Variants in GRID2 observed in about 807,000 individuals in gnomAD.
The protein encoded by GRID2 is glutamate receptor ionotropic, delta-2.
Under a neutral mutation model 114.8 loss-of-function variants are expected in GRID2, and 33 were observed. That is an observed-to-expected ratio of 0.29 (90% CI 0.22 to 0.38). The LOEUF (loss-of-function observed/expected upper bound fraction) is 0.38, where lower values mean the gene tolerates loss of function less well. Among genes scored for constraint, GRID2 ranks in the 10% least tolerant of loss-of-function variants. The pLI is 1.00. For missense variants in GRID2, 1,184 were observed against 1,257.7 expected, an observed-to-expected ratio of 0.94 and a Z score of 0.89; for synonymous variants, 505 against 449.9, an observed-to-expected ratio of 1.12 and a Z score of -1.55.
chr4:93,286,457 A>C (rs1459886503), intron 8 of GRID2, among the ~76,000 whole-genome samples: 1 of 152,136 alleles, frequency 6.6e-6, no homozygotes, highest in African/African-American at 2.4e-5. Flanking sequence ...TAAGAACTGC[A>C]TACTCCTTCC....
intron 4 of GRID2, among the ~76,000 whole-genome samples, chr4:93,129,941 T>C (rs1734639981): frequency 6.6e-6 from 1 of 152,194 alleles, no homozygotes; most frequent in African/African-American, 2.4e-5. Context: ...AGGCCCCAAA[T>C]GTCCAGGTAT....
rs959568079 is a variant in GRID2, at chr4:93,008,114, A to G, written c.245-76881A>G. ...ATTTAAAGCTCAATTAGTAGCCTAAATAACGGAAACAATGGACTAAATGGA... is the reference window on the plus strand; with the variant it reads ...ATTTAAAGCTCAATTAGTAGCCTAAGTAACGGAAACAATGGACTAAATGGA... On this transcript the variant is annotated intron_variant, in intron 2 of 15. Transcript: ENST00000282020. Among the ~76,000 whole-genome samples the G allele has an allele frequency of 1.4e-4, 21 of 152,050 alleles. 1 individual carries two copies. Among genetic ancestry groups the G allele is most frequent in the African/African-American group, 4.3e-4 (18 of 41,416 alleles).
intron 4 of GRID2, among the ~76,000 whole-genome samples, chr4:93,122,991 C>A (rs1300618641): frequency 1.4e-5 from 2 of 142,324 alleles, no homozygotes; most frequent in African/African-American, 5.3e-5. Flanking sequence ...GTTAATGAGG[C>A]CTGAGACAGC....
intron 2 of GRID2, among the ~76,000 whole-genome samples, chr4:92,611,705 C>T (rs147338061): frequency 3.3e-5 from 5 of 151,606 alleles, no homozygotes; most frequent in East Asian, 1.9e-4. Context: ...TTGTAAAATA[C>T]GTGAAGTGGT....
intron 4 of GRID2, among the ~76,000 whole-genome samples, chr4:93,199,256 G>T (rs1244842549): frequency 6.6e-6 from 1 of 152,074 alleles, no homozygotes; most frequent in Non-Finnish European, 1.5e-5. Flanking sequence ...TTCTGACACT[G>T]GCAATGATTT....
chr4:93,707,696 A>G (rs1728128762), intron 14 of GRID2, among the ~76,000 whole-genome samples: 1 of 148,480 alleles, frequency 6.7e-6, no homozygotes, highest in African/African-American at 2.5e-5. Flanking sequence ...ATGTGTTTTT[A>G]CTCTGATCTT....
intron 14 of GRID2, among the ~76,000 whole-genome samples, chr4:93,654,128 G>A (rs1202645780): frequency 2.6e-5 from 4 of 152,086 alleles, no homozygotes; most frequent in South Asian, 2.1e-4. Context: ...TCATATCCAC[G>A]ATCATTTTCT....
intron 3 of GRID2, among the ~76,000 whole-genome samples, chr4:93,109,413 T>A (rs1412569292): frequency 6.6e-6 from 1 of 152,178 alleles, no homozygotes; most frequent in Non-Finnish European, 1.5e-5. Flanking sequence ...AAAGCAAAAT[T>A]GTTGTTTTAG....
chr4:92,493,206 G>A (rs769381752), intron 1 of GRID2, among the ~76,000 whole-genome samples: 18 of 151,860 alleles, frequency 1.2e-4, no homozygotes, highest in Non-Finnish European at 1.9e-4. Context: ...GAAAAAAGTG[G>A]TTTTTATCCT....
At chr4:93,367,633 A>T (rs904167453) in intron 8 of GRID2, among the ~76,000 whole-genome samples, 1 of 152,188 alleles carries the variant, frequency 6.6e-6, no homozygotes, top group African/African-American at 2.4e-5. Context: ...GCCTTAGTAA[A>T]TGAACAGAGT....
At chr4:92,455,304 TTTCCGTGTTCTTGTGAAACTTATA>T (rs1721151744) in intron 1 of GRID2, among the ~76,000 whole-genome samples, 1 of 152,186 alleles carries the variant, frequency 6.6e-6, no homozygotes, top group African/African-American at 2.4e-5. Flanking sequence ...AACAGAGACA[TTTCCGTGTTCTTGTGAAACTTATA>T]TTCCAGGATT....
Position 93,111,276 on chromosome 4 carries a change from TCTAA to T in GRID2, c.735+328_735+331del, listed in dbSNP as rs561120964. The stretch of plus-strand genomic sequence containing the variant: ...GAATAAATTCACAAGTGCACAGCTC[TCTAA>T]CTAATCCTTAGTAATTTTTGTAAGT... On this transcript the variant is annotated intron_variant, in intron 4 of 15. Coordinates refer to ENST00000282020, the MANE Select transcript of GRID2 (RefSeq NM_001510.4). Among the ~76,000 whole-genome samples, 305 of 152,342 alleles carry T rather than the reference TCTAA, an allele frequency of 2.0e-3. 2 individuals carry two copies. Among genetic ancestry groups the T allele is most frequent in the African/African-American group, 7.2e-3 (299 of 41,586 alleles).
At chr4:93,018,009 C>G (rs1351227182) in intron 2 of GRID2, among the ~76,000 whole-genome samples, 1 of 149,384 alleles carries the variant, frequency 6.7e-6, no homozygotes, top group Admixed American at 6.7e-5. Context: ...GGATTACAAT[C>G]TAATTACGTA....
At chr4:92,523,107 G>A (rs1369759675) in intron 1 of GRID2, among the ~76,000 whole-genome samples, 1 of 151,910 alleles carries the variant, frequency 6.6e-6, no homozygotes, top group African/African-American at 2.4e-5. Context: ...TGGCAAAGAT[G>A]GGTAAGAATA....
chr4:93,718,946 AT>A (rs1729131181), intron 14 of GRID2, among the ~76,000 whole-genome samples: 1 of 152,140 alleles, frequency 6.6e-6, no homozygotes, highest in Admixed American at 6.6e-5. Flanking sequence ...CATGCATCAA[AT>A]TGTCCTTGTG....
chr4:92,411,205 T>G (rs1349622017), intron 1 of GRID2, among the ~76,000 whole-genome samples: 1 of 152,166 alleles, frequency 6.6e-6, no homozygotes, highest in African/African-American at 2.4e-5. Flanking sequence ...CCAGCAGATA[T>G]TTATGTACGT....
intron 2 of GRID2, among the ~76,000 whole-genome samples, chr4:92,866,701 G>A (rs1261406883): frequency 1.3e-5 from 2 of 151,236 alleles, no homozygotes; most frequent in Non-Finnish European, 2.9e-5. Flanking sequence ...CCGCCACCAT[G>A]CCCGGCTAAT....
chr4:93,331,134 C>CCG (rs1553911159), intron 8 of GRID2, among the ~76,000 whole-genome samples: 1 of 147,038 alleles, frequency 6.8e-6, no homozygotes, highest in African/African-American at 2.5e-5. Flanking sequence ...TAACCCCCCC[C>CCG]CCATTTCACT....
At chr4:92,899,252 A>G (rs1560680841) in intron 2 of GRID2, among the ~76,000 whole-genome samples, 2 of 151,964 alleles carry the variant, frequency 1.3e-5, no homozygotes, top group African/African-American at 4.8e-5. Flanking sequence ...ATGTTTGTAA[A>G]TCTGTCTTTT....
Sources: allele counts gnomAD v4.1 joint callset (sites outside exome capture counted in the v4.1 genomes callset), GRCh38; gene constraint gnomAD v4.1.1; transcripts MANE v1.5; gene names NCBI Gene and HGNC (gene_info 2026-07-23, HGNC 2026-07-21).